GABRB1: variants seen among roughly 807,000 people sequenced by gnomAD.
The protein encoded by GABRB1 is gamma-aminobutyric acid type A receptor subunit beta1, also known as gamma-aminobutyric acid receptor subunit beta-1.
GABRB1 carries 17 observed loss-of-function variants against 51.6 expected under a neutral mutation model. The ratio of observed to expected loss-of-function variants is 0.33; its 90% CI spans 0.23 to 0.49. The LOEUF is 0.49. Among genes scored for constraint, GABRB1 ranks in the 20% least tolerant of loss-of-function variants. The pLI is 0.99. For missense variants in GABRB1, 410 were observed against 600.6 expected, an observed-to-expected ratio of 0.68 and a Z score of 3.32; for synonymous variants, 247 against 218.9, an observed-to-expected ratio of 1.13 and a Z score of -1.14.
At chr4:47,069,125 G>A (rs919591310) in intron 3 of GABRB1, among the ~76,000 whole-genome samples, 44 of 152,146 alleles carry the variant, frequency 2.9e-4, no homozygotes, top group Non-Finnish European at 2.5e-4. Context: ...ACTGAACCAG[G>A]ATGCTTGGCA....
chr4:47,064,722 T>C (rs1727000039), intron 3 of GABRB1, among the ~76,000 whole-genome samples: 1 of 151,882 alleles, frequency 6.6e-6, no homozygotes, highest in African/African-American at 2.4e-5. Context: ...TGTACTTTTG[T>C]ATTTGCTTAT....
intron 4 of GABRB1, among the ~76,000 whole-genome samples, chr4:47,172,631 CTTTTTTTTTTTTTTTT>C (rs71195611): frequency 1.5e-5 from 1 of 65,800 alleles, no homozygotes; most frequent in Non-Finnish European, 2.6e-5. Context: ...TTAGATTTAA[CTTTTTTTTTTTTTTTT>C]TTTTTTTTTT....
At chr4:47,338,210 T>C (rs1477347255) in intron 5 of GABRB1, among the ~76,000 whole-genome samples, 2 of 152,326 alleles carry the variant, frequency 1.3e-5, no homozygotes, top group East Asian at 3.9e-4. Context: ...AGCTGACTGA[T>C]GACAAAGTGC....
At chr4:47,080,007 AG>A (rs1414863433) in intron 3 of GABRB1, among the ~76,000 whole-genome samples, 8 of 152,174 alleles carry the variant, frequency 5.3e-5, no homozygotes, top group Non-Finnish European at 1.2e-4. Flanking sequence ...ATAAAAAAAA[AG>A]AAATATAAAA....
At chr4:47,022,520 A>G (rs1724955088) in intron 1 of GABRB1, among the ~76,000 whole-genome samples, 1 of 152,078 alleles carries the variant, frequency 6.6e-6, no homozygotes, top group African/African-American at 2.4e-5. Context: ...TGATGTTCCA[A>G]AATTTCATCA....
chr4:47,046,386 AT>A (rs764451539), intron 3 of GABRB1, among the ~76,000 whole-genome samples: 10 of 152,182 alleles, frequency 6.6e-5, no homozygotes, highest in Non-Finnish European at 4.4e-5. Context: ...ACTTCTGCTT[AT>A]CAAGCACTTT....
chr4:47,336,628 C>A (rs902840177), intron 5 of GABRB1, among the ~76,000 whole-genome samples: 16 of 151,668 alleles, frequency 1.1e-4, no homozygotes, highest in African/African-American at 3.9e-4. Context: ...TGCTTGAAAT[C>A]AAGGTAAAAA....
chr4:47,300,101 GA>G (rs1724192632), intron 4 of GABRB1, among the ~76,000 whole-genome samples: 1 of 103,570 alleles, frequency 9.7e-6, no homozygotes, highest in Non-Finnish European at 1.8e-5. Flanking sequence ...GGGGTGGGGG[GA>G]GGGGGGAGGG....
At chr4:47,212,381 A>G (rs1249632695) in intron 4 of GABRB1, among the ~76,000 whole-genome samples, 1 of 152,152 alleles carries the variant, frequency 6.6e-6, no homozygotes, top group Non-Finnish European at 1.5e-5. Context: ...GGCACAGAAG[A>G]CAGCCAGCCC....
intron 4 of GABRB1, among the ~76,000 whole-genome samples, chr4:47,237,589 C>CA (rs939504843): frequency 7.3e-5 from 11 of 151,598 alleles, no homozygotes; most frequent in Non-Finnish European, 1.6e-4. Context: ...TTAATAATTG[C>CA]AAAAAAATAC....
chr4:47,024,059 A>G (rs1189112946), intron 1 of GABRB1, among the ~76,000 whole-genome samples: 2 of 151,856 alleles, frequency 1.3e-5, no homozygotes, highest in African/African-American at 4.8e-5. Flanking sequence ...CAACCCATTT[A>G]TGGAATTTCA....
chr4:47,050,979 G>T (rs921130471), intron 3 of GABRB1, among the ~76,000 whole-genome samples: 1 of 152,042 alleles, frequency 6.6e-6, no homozygotes, highest in Non-Finnish European at 1.5e-5. Context: ...TTCTGGCTCG[G>T]GTTTTGTGTG....
At position 47,096,943 on chromosome 4, in the gene GABRB1, G is replaced by C. The variant is rs115682694; in HGVS notation, c.241-64306G>C. 5.4e-3 allele frequency among the ~76,000 whole-genome samples: 815 copies of C among 152,282 alleles called. 5 individuals carry two copies. The highest frequency in any genetic ancestry group is 0.019 in the African/African-American group (776 of 41,562). ...ACATCTAACGCACACACAACTGTAA[G>C]GTAGCCAAATTGTATCATTTTAAGC... On this transcript the variant is annotated intron_variant, in intron 3 of 8. Transcript: ENST00000295454.
At chr4:47,264,607 A>C (rs2109884089) in intron 4 of GABRB1, among the ~76,000 whole-genome samples, 1 of 152,050 alleles carries the variant, frequency 6.6e-6, no homozygotes, top group Non-Finnish European at 1.5e-5. Flanking sequence ...TGAGATGAAA[A>C]CCTCTGCCTT....
At chr4:47,148,637 A>G (rs1467537262) in intron 3 of GABRB1, among the ~76,000 whole-genome samples, 1 of 151,910 alleles carries the variant, frequency 6.6e-6, no homozygotes, top group Non-Finnish European at 1.5e-5. Context: ...TCCACTCCCC[A>G]TATTCCTTAA....
At chr4:47,286,164 C>G (rs1285095981) in intron 4 of GABRB1, among the ~76,000 whole-genome samples, 2 of 152,118 alleles carry the variant, frequency 1.3e-5, no homozygotes, top group African/African-American at 2.4e-5. Context: ...GTATTAATGT[C>G]TTTCTGCTTT....
chr4:47,345,043 CAG>C (rs1726040246), intron 5 of GABRB1, among the ~76,000 whole-genome samples: 1 of 152,076 alleles, frequency 6.6e-6, no homozygotes, highest in Admixed American at 6.6e-5. Flanking sequence ...ACGTAACTCT[CAG>C]TCTGTAAAAT....
At chr4:47,375,426 G>C (rs1351332969) in intron 5 of GABRB1, among the ~76,000 whole-genome samples, 1 of 152,196 alleles carries the variant, frequency 6.6e-6, no homozygotes, top group Non-Finnish European at 1.5e-5. Context: ...GATGAGGTCA[G>C]TGTTATCAGT....
chr4:47,092,410 TG>T (rs1333655320), intron 3 of GABRB1, among the ~76,000 whole-genome samples: 1 of 151,602 alleles, frequency 6.6e-6, no homozygotes, highest in Non-Finnish European at 1.5e-5. Flanking sequence ...TGACTTAAGG[TG>T]ATCCGCCCAC....
Sources: gnomAD v4.1 joint callset for allele counts (sites outside exome capture counted in the v4.1 genomes callset) on GRCh38, gnomAD v4.1.1 for gene constraint, MANE v1.5 for transcripts, NCBI Gene and HGNC (gene_info 2026-07-23, HGNC 2026-07-21) for gene names.